Variants in ICE1 observed in about 807,000 individuals in gnomAD.
The protein encoded by ICE1 is interactor of little elongation complex ELL subunit 1.
Under a neutral mutation model 192.7 loss-of-function variants are expected in ICE1, and 64 were observed. The ratio of observed to expected loss-of-function variants is 0.33; its 90% CI spans 0.27 to 0.41. The LOEUF is 0.41. Among genes scored for constraint, ICE1 ranks in the 10% least tolerant of loss-of-function variants. The pLI is 1.00. For missense variants in ICE1, 2,708 were observed against 2,696.0 expected, an observed-to-expected ratio of 1.00 and a Z score of -0.10; for synonymous variants, 1,010 against 984.5, an observed-to-expected ratio of 1.03 and a Z score of -0.49.
chr5:5,481,304 G>C (rs1739498036), intron 17 of ICE1, among the ~76,000 whole-genome samples: 1 of 152,016 alleles, frequency 6.6e-6, no homozygotes, highest in Non-Finnish European at 1.5e-5. Context: ...TTTTGTTCTT[G>C]TTTTACTGGT....
chr5:5,469,920 T>C (rs561508502), intron 15 of ICE1, among the ~76,000 whole-genome samples: 1 of 152,286 alleles, frequency 6.6e-6, no homozygotes, highest in Non-Finnish European at 1.5e-5. Context: ...TACTAATGGA[T>C]ACCAGCAACC....
In ICE1 at chr5:5,450,557, A is replaced by T. The variant is rs200697461; in HGVS notation, c.604+2660A>T. 1.6e-4 allele frequency among the ~76,000 whole-genome samples: 24 copies of T among 152,272 alleles called. No homozygotes were observed. The East Asian group carries it at 4.5e-3, about 28-fold the overall frequency. ...TTCCTGAGCAGAGAACACATGGAAT[A>T]TTCATATTCATAGGGGCCACCAAGT... On this transcript the variant is annotated intron_variant, in intron 10 of 18. Coordinates refer to ENST00000296564, the MANE Select transcript of ICE1 (RefSeq NM_015325.3).
chr5:5,489,923 G>A lies in ICE1; in HGVS notation c.*593G>A, dbSNP rs189358191. On this transcript the variant is annotated 3_prime_UTR_variant, in exon 19 of 19. Transcript: ENST00000296564. ...TATCCCTAAAGTTCCTTAAAAATATGTGACAATGCATCAGGAAGAGGAGAA... is the reference window on the plus strand; with the variant it reads ...TATCCCTAAAGTTCCTTAAAAATATATGACAATGCATCAGGAAGAGGAGAA... The A allele has an allele frequency of 1.4e-4, 22 of 152,186 alleles. No homozygotes were observed. The highest frequency in any genetic ancestry group is 5.3e-4 in the African/African-American group (22 of 41,436). The allele number at this position is 152,186 out of a possible 1,614,324, so 9.4% of individuals were successfully genotyped here.
At chr5:5,444,839 G>A (rs1044370544) in intron 7 of ICE1, among the ~76,000 whole-genome samples, 12 of 152,210 alleles carry the variant, frequency 7.9e-5, no homozygotes, top group African/African-American at 2.9e-4. Flanking sequence ...CCTACAGTGA[G>A]TAGGTACGAG....
chr5:5,456,354 T>G (rs1441689943), intron 11 of ICE1, among the ~76,000 whole-genome samples: 1 of 152,254 alleles, frequency 6.6e-6, no homozygotes, highest in Non-Finnish European at 1.5e-5. Flanking sequence ...CTATAATTAC[T>G]GCTTTAGTGT....
intron 1 of ICE1, among the ~76,000 whole-genome samples, chr5:5,423,525 G>A (rs1417996572): frequency 6.6e-6 from 1 of 152,006 alleles, no homozygotes; most frequent in Non-Finnish European, 1.5e-5. Context: ...TTTTTAAAAA[G>A]CAAGCCAAGT....
At chr5:5,480,684 T>G (rs552486430) in intron 17 of ICE1, among the ~76,000 whole-genome samples, 1 of 152,332 alleles carries the variant, frequency 6.6e-6, no homozygotes, top group African/African-American at 2.4e-5. Context: ...TCGGCAAATT[T>G]GCATTCCTCC....
chr5:5,443,610 G>C (rs1738115117), intron 6 of ICE1, among the ~76,000 whole-genome samples: 2 of 152,240 alleles, frequency 1.3e-5, no homozygotes, highest in African/African-American at 4.8e-5. Flanking sequence ...ACTTGTGTCT[G>C]TGTGTCAGAA....
intron 3 of ICE1, chr5:5,437,935 T>C (rs1023001815): frequency 6.6e-6 from 1 of 152,268 alleles, no homozygotes; most frequent in African/African-American, 2.4e-5. Context: ...ATGATTTATG[T>C]CATACCTGAA....
chr5:5,449,079 C>A (rs1282486576), intron 10 of ICE1, among the ~76,000 whole-genome samples: 2 of 150,306 alleles, frequency 1.3e-5, no homozygotes, highest in Non-Finnish European at 2.9e-5. Context: ...CAAAGCAGAA[C>A]CCTTCTGTCT....
intron 17 of ICE1, among the ~76,000 whole-genome samples, chr5:5,486,240 TG>T (rs1307785346): frequency 2.6e-5 from 4 of 152,206 alleles, no homozygotes; most frequent in Non-Finnish European, 4.4e-5. Context: ...TGTCTTGACT[TG>T]CACTCACAGT....
At position 5,457,586 on chromosome 5, in the gene ICE1, A is replaced by C; in HGVS notation, c.946A>C (p.Ser316Arg). 2 of 1,613,866 alleles carry C rather than the reference A, an allele frequency of 1.2e-6. No homozygotes were observed. The highest frequency in any genetic ancestry group is 1.7e-6 in the Non-Finnish European group (2 of 1,179,814). ...VLVQSHRDGG[S>R]TEFVDHDHFF... ...AGTACAAAGTCATCGTGACGGTGGT[A>C]GTACTGAATTTGTTGATCATGATCA... Residue 316 changes from serine (S) to arginine (R), a missense_variant, in exon 12 of 19, where the codon AGT becomes CGT. By Grantham distance (110) the Ser-to-Arg change is moderately radical. This residue lies in a region of ICE1 where 2,366 missense variants were observed against 2,276.6 expected (regional missense o/e 1.04). Transcript: ENST00000296564.
chr5:5,468,890 T>C lies in ICE1; in HGVS notation c.6124T>C (p.Ser2042Pro). 1 of 1,605,780 alleles carries C rather than the reference T, an allele frequency of 6.2e-7. No individual in the cohort carries two copies. The highest frequency in any genetic ancestry group is 8.5e-7 in the Non-Finnish European group (1 of 1,176,500). ...AAACATGTGGCATGATATATTTCTC[T>C]CTCAATCGGTGATTAATAAAGCAAT... ...IANMWHDIFL[S>P]QSVINKAMQL... The change falls in exon 15 of 19, where the codon TCT becomes CCT. Residue 2042 changes from serine (S) to proline (P), a missense_variant. Physicochemically the swap from Ser to Pro is moderately conservative, Grantham distance 74 (BLOSUM62 -1). This residue lies in a region of ICE1 where 342 missense variants were observed against 419.3 expected (regional missense o/e 0.82). Coordinates refer to ENST00000296564, the MANE Select transcript of ICE1 (RefSeq NM_015325.3).
chr5:5,428,313 A>G (rs1737590230), intron 1 of ICE1, among the ~76,000 whole-genome samples: 1 of 152,154 alleles, frequency 6.6e-6, no homozygotes, highest in East Asian at 1.9e-4. Context: ...CATCTCTGCT[A>G]GATATCAGTG....
chr5:5,466,226 T>G, intron 13 of ICE1, 108 bp from the exon 14 acceptor site: 2 of 999,336 alleles, frequency 2.0e-6, no homozygotes, highest in Non-Finnish European at 2.8e-6. Context: ...GTAGCGCAAG[T>G]TTTATTTTTT....
intron 16 of ICE1, among the ~76,000 whole-genome samples, chr5:5,475,026 T>A (rs954566085): frequency 1.3e-5 from 2 of 152,232 alleles, no homozygotes; most frequent in African/African-American, 4.8e-5. Flanking sequence ...GAACAGTCTG[T>A]CCAGTGCCAG....
intron 14 of ICE1, among the ~76,000 whole-genome samples, chr5:5,468,614 A>G (rs2111391595): frequency 6.6e-6 from 1 of 152,376 alleles, no homozygotes; most frequent in East Asian, 1.9e-4. Flanking sequence ...GTAATGACAC[A>G]TACCAAATGG....
At chr5:5,459,556 G>A (rs144320401) in intron 12 of ICE1, among the ~76,000 whole-genome samples, 9 of 152,242 alleles carry the variant, frequency 5.9e-5, no homozygotes, top group Middle Eastern at 3.4e-3. Context: ...CTGGGGAACC[G>A]TCCCTATGTA....
intron 12 of ICE1, among the ~76,000 whole-genome samples, chr5:5,458,807 G>C (rs2111373135): frequency 6.6e-6 from 1 of 152,294 alleles, no homozygotes; most frequent in East Asian, 1.9e-4. Flanking sequence ...TAGGGAGTGG[G>C]GGGATAGTCA....
Sources: gnomAD v4.1 joint callset for allele counts (sites outside exome capture counted in the v4.1 genomes callset) on GRCh38, gnomAD v4.1.1 for gene constraint, gnomAD v4.1.1 regional missense constraint, MANE v1.5 for transcripts, NCBI Gene and HGNC (gene_info 2026-07-23, HGNC 2026-07-21) for gene names.